The following WDFY3 variants were observed in gnomAD, a reference collection of about 807,000 sequenced individuals.
The protein encoded by WDFY3 is WD repeat and FYVE domain-containing protein 3.
WDFY3 carries 66 observed loss-of-function variants against 409.6 expected under a neutral mutation model. The observed-to-expected ratio is 0.16, with a 90% CI of 0.13 to 0.20. The LOEUF is 0.20. Among genes scored for constraint, WDFY3 ranks in the 10% least tolerant of loss-of-function variants. WDFY3 has a pLI of 1.00. For missense variants in WDFY3, 3,031 were observed against 4,298.1 expected, an observed-to-expected ratio of 0.71 and a Z score of 8.24; for synonymous variants, 1,521 against 1,537.1, an observed-to-expected ratio of 0.99 and a Z score of 0.25.
At position 84,829,120 on chromosome 4, in the gene WDFY3, G is replaced by C; in HGVS notation, c.840C>G (p.Val280=). 1 of 1,613,614 alleles carries C rather than the reference G, an allele frequency of 6.2e-7. No individual in the cohort carries two copies. Among genetic ancestry groups the C allele is most frequent in the Non-Finnish European group, 8.5e-7 (1 of 1,179,682 alleles). The change falls in exon 9 of 68, where the codon GTC becomes GTG. Residue 280 remains valine, a synonymous_variant. Transcript: ENST00000295888. ...QSDDLSPLEI[V]EMFAGLSCFL... ...AACAAGAAAGCCCAGCAAACATTTC[G>C]ACAATTTCTAGGGGAGACAGGTCAT...
chr4:84,887,423 G>A (rs1012499597), intron 3 of WDFY3, among the ~76,000 whole-genome samples: 1 of 152,156 alleles, frequency 6.6e-6, no homozygotes, highest in African/African-American at 2.4e-5. Flanking sequence ...CTTGTAATCA[G>A]TATTTCCAAG....
At chr4:84,677,442 T>C (rs1256554982) in intron 66 of WDFY3, 46 bp from the exon 67 acceptor site, 1 of 1,504,984 alleles carries the variant, frequency 6.6e-7, no homozygotes, top group Admixed American at 2.3e-5. Context: ...AAGGCTTCTG[T>C]GATCTCCTTC....
intron 2 of WDFY3, among the ~76,000 whole-genome samples, chr4:84,918,934 C>CAT (rs1209580258): frequency 3.3e-5 from 5 of 151,634 alleles, no homozygotes; most frequent in Admixed American, 6.6e-5. Flanking sequence ...CCAGCAATAA[C>CAT]ATATATACCA....
chr4:84,825,905 C>G (rs1226070943), intron 10 of WDFY3, among the ~76,000 whole-genome samples: 1 of 152,036 alleles, frequency 6.6e-6, no homozygotes, highest in African/African-American at 2.4e-5. Context: ...GAAATGATTA[C>G]TGTGCATTTT....
chr4:84,773,039 T>C, intron 29 of WDFY3, 110 bp from the exon 30 acceptor site: 1 of 776,080 alleles, frequency 1.3e-6, no homozygotes, highest in South Asian at 2.1e-5. Flanking sequence ...ACAGTACTTT[T>C]TTTTTTTTTC....
At chr4:84,845,700 C>A (rs1427225139) in intron 5 of WDFY3, among the ~76,000 whole-genome samples, 3 of 151,904 alleles carry the variant, frequency 2.0e-5, no homozygotes, top group Admixed American at 1.3e-4. Context: ...ATCAATAGGT[C>A]ACAAAGTCTC....
chr4:84,923,416 T>C (rs1001107685), intron 2 of WDFY3, among the ~76,000 whole-genome samples: 2 of 152,340 alleles, frequency 1.3e-5, no homozygotes, highest in African/African-American at 4.8e-5. Flanking sequence ...TGCAAGTTAC[T>C]GCTTTTTGTC....
chr4:84,903,079 A>C (rs10029496), intron 2 of WDFY3, among the ~76,000 whole-genome samples: 74,085 of 151,984 alleles, frequency 0.49, 21,024 homozygotes, highest in African/African-American at 0.79. Context: ...AGAAAAAATT[A>C]TTTCTATTAA....
At chr4:84,726,005 A>G (rs1485361696) in intron 45 of WDFY3, among the ~76,000 whole-genome samples, 1 of 152,200 alleles carries the variant, frequency 6.6e-6, no homozygotes, top group African/African-American at 2.4e-5. Context: ...ATGATGTACA[A>G]TATTACAATT....
At chr4:84,930,105 G>A (rs763108571) in intron 2 of WDFY3, among the ~76,000 whole-genome samples, 34 of 152,058 alleles carry the variant, frequency 2.2e-4, no homozygotes, top group Non-Finnish European at 4.3e-4. Context: ...ATAAATTCCT[G>A]TCATTTAAGC....
chr4:84,702,317 C>A (rs1339994528), intron 56 of WDFY3, 36 bp downstream of exon 56: 1 of 1,527,838 alleles, frequency 6.5e-7, no homozygotes, highest in Non-Finnish European at 8.8e-7. Context: ...CTTTTCCTGG[C>A]TAACATTCCT....
intron 60 of WDFY3, 135 bp downstream of exon 60, chr4:84,691,496 C>A: frequency 1.1e-6 from 1 of 919,618 alleles, no homozygotes. Context: ...AATAGGAAAG[C>A]TCACTTTTCT....
At chr4:84,798,149 T>C (rs372652944) in intron 17 of WDFY3, 41 bp from the exon 18 acceptor site, 19 of 1,472,910 alleles carry the variant, frequency 1.3e-5, no homozygotes, top group Non-Finnish European at 1.7e-5. Context: ...TGATTGAGAT[T>C]ATTATATAAT....
intron 40 of WDFY3, among the ~76,000 whole-genome samples, chr4:84,738,747 G>T (rs1053946692): frequency 6.6e-6 from 1 of 152,136 alleles, no homozygotes; most frequent in Non-Finnish European, 1.5e-5. Context: ...TTCCAAGGTA[G>T]TATTTGTACT....
intron 29 of WDFY3, 105 bp from the exon 30 acceptor site, chr4:84,773,034 ACTT>A (rs1015246387): frequency 2.5e-5 from 20 of 798,214 alleles, no homozygotes; most frequent in Non-Finnish European, 3.2e-5. Flanking sequence ...CCAAAACAGT[ACTT>A]TTTTTTTTTT....
intron 3 of WDFY3, among the ~76,000 whole-genome samples, chr4:84,862,485 A>G (rs1363559618): frequency 6.6e-6 from 1 of 152,246 alleles, no homozygotes; most frequent in Non-Finnish European, 1.5e-5. Context: ...ATATGTTCCA[A>G]TAACCTACTA....
Position 84,740,249 on chromosome 4 carries a change from C to T in WDFY3, c.6402G>A (p.Gly2134=). The T allele has an allele frequency of 6.2e-7, 1 of 1,613,962 alleles. No homozygotes were observed. The highest frequency in any genetic ancestry group is 8.5e-7 in the Non-Finnish European group (1 of 1,179,976). Residue 2134 remains glycine, a synonymous_variant, in exon 39 of 68, where the codon GGG becomes GGA. Coordinates refer to ENST00000295888, the MANE Select transcript of WDFY3 (RefSeq NM_014991.6). ...TVNRNLILGP[G]NHDQEFISCL... is the part of the protein sequence containing the mutation. ...AGCTAATGAATTCTTGGTCATGGTT[C>T]CCAGGTCCCAGGATCAAGTTTCTGT...
At chr4:84,695,825 C>CA (rs1159463813) in intron 58 of WDFY3, 145 bp downstream of exon 58, 1 of 851,740 alleles carries the variant, frequency 1.2e-6, no homozygotes, top group Non-Finnish European at 1.8e-6. Flanking sequence ...AAGCAACAAT[C>CA]TAGGAATCTA....
chr4:84,678,565 C>T (rs771676621), intron 65 of WDFY3, among the ~76,000 whole-genome samples: 10 of 152,190 alleles, frequency 6.6e-5, no homozygotes, highest in Non-Finnish European at 1.2e-4. Context: ...AGGACCTTGC[C>T]TCTAACTCTA....
Sources: allele counts gnomAD v4.1 joint callset (sites outside exome capture counted in the v4.1 genomes callset), GRCh38; gene constraint gnomAD v4.1.1; transcripts MANE v1.5; gene names NCBI Gene and HGNC (gene_info 2026-07-23, HGNC 2026-07-21).